Variants in SNX5 observed in about 807,000 individuals in gnomAD.
The protein encoded by SNX5 is sorting nexin-5.
In SNX5, 31 loss-of-function variants were observed where a neutral mutation model predicts 53.9. The observed-to-expected ratio is 0.58, with a 90% confidence interval of 0.43 to 0.78. The LOEUF (loss-of-function observed/expected upper bound fraction) is 0.78. SNX5 is among the 30% of genes least tolerant of loss of function. The probability of loss-of-function intolerance (pLI) is 0.00; values close to 1 mark genes in which losing one functional copy is unlikely to be tolerated. For synonymous variants in SNX5, 168 were observed against 171.1 expected (o/e 0.98, Z 0.14); for missense variants, 471 against 478.8 (o/e 0.98, Z 0.15).
chr20:17,956,536 G>C (rs1348678154), intron 2 of SNX5, among the ~76,000 whole-genome samples: 1 of 152,074 alleles, frequency 6.6e-6, no homozygotes, highest in African/African-American at 2.4e-5. Context: ...TGAGCCGAGT[G>C]TGGTGGCTCA....
At chr20:17,957,113 AAAAAGCAGTTTATACATAG>A in intron 1 of SNX5, 76 bp from the exon 2 acceptor site, 2 of 876,680 alleles carry the variant, frequency 2.3e-6, no homozygotes, top group African/African-American at 3.3e-5. Flanking sequence ...AGTAGTTACT[AAAAAGCAGTTTATACATAG>A]ATCATTTAGA....
intron 12 of SNX5, 90 bp from the exon 13 acceptor site, chr20:17,942,497 C>A: frequency 2.0e-6 from 2 of 1,013,300 alleles, no homozygotes; most frequent in African/African-American, 1.6e-5. Context: ...CGGCTTTTCA[C>A]GGGAGGTTTA....
At chr20:17,965,699 C>T (rs1429098161) in intron 1 of SNX5, among the ~76,000 whole-genome samples, 1 of 150,210 alleles carries the variant, frequency 6.7e-6, no homozygotes, top group Admixed American at 6.6e-5. Context: ...GCCTCTTGGC[C>T]ATTTCTACCT....
At position 17,956,960 on chromosome 20, in the gene SNX5, G is replaced by C. The variant is rs61756173; in HGVS notation, c.129C>G (p.Asp43Glu). The C allele has an allele frequency of 2.0e-4, 313 of 1,601,438 alleles. No individual in the cohort carries two copies. Among genetic ancestry groups the C allele is most frequent in the Non-Finnish European group, 2.5e-4 (287 of 1,169,102 alleles). ...TTGTGTGCACTGTAAATTTGACTTT[G>C]TCTCTCTCACTGAGCGCATCAGGTA... ...IDIPDALSER[D>E]KVKFTVHTKT... The change falls in exon 2 of 13, where the codon GAC becomes GAG. Residue 43 changes from aspartate (D) to glutamate (E), a missense_variant. By Grantham distance (45) the Asp-to-Glu change is conservative. Coordinates refer to ENST00000377759, the MANE Select transcript of SNX5 (RefSeq NM_014426.4).
At chr20:17,943,551 C>T in intron 11 of SNX5, 1 of 182,340 alleles carries the variant, frequency 5.5e-6, no homozygotes, top group Non-Finnish European at 1.1e-5. Context: ...ACATACTTCA[C>T]CAATGGCTTG....
chr20:17,946,806 C>T (rs1387748196), intron 11 of SNX5, among the ~76,000 whole-genome samples: 1 of 152,128 alleles, frequency 6.6e-6, no homozygotes, highest in Non-Finnish European at 1.5e-5. Context: ...AAAATAGTAA[C>T]TACACAGTGG....
intron 1 of SNX5, chr20:17,962,856 A>AT (rs2035480587): frequency 1.9e-6 from 1 of 519,068 alleles, no homozygotes; most frequent in Non-Finnish European, 3.8e-6. Flanking sequence ...TTCAGGCTAC[A>AT]TAGCCTCAAG....
intron 8 of SNX5, among the ~76,000 whole-genome samples, chr20:17,949,612 T>G (rs1028172462): frequency 6.6e-6 from 1 of 152,136 alleles, no homozygotes; most frequent in African/African-American, 2.4e-5. Context: ...GGTTTTTAAT[T>G]AATGAATGAA....
chr20:17,953,318 G>A (rs2039595684), intron 4 of SNX5, among the ~76,000 whole-genome samples: 1 of 152,186 alleles, frequency 6.6e-6, no homozygotes, highest in South Asian at 2.1e-4. Flanking sequence ...GTACTTTTCA[G>A]CTAAGATGAG....
chr20:17,952,226 A>G (rs776998470), intron 5 of SNX5, among the ~76,000 whole-genome samples: 3 of 152,234 alleles, frequency 2.0e-5, no homozygotes, highest in African/African-American at 2.4e-5. Flanking sequence ...CTGCCTCAAA[A>G]AAGAAAAGAA....
In SNX5 at chr20:17,954,114, G is replaced by C; in HGVS notation, c.271C>G (p.Pro91Ala). 1 of 1,613,372 alleles carries C rather than the reference G, an allele frequency of 6.2e-7. No homozygotes were observed. The highest frequency in any genetic ancestry group is 8.5e-7 in the Non-Finnish European group (1 of 1,179,612). The change falls in exon 4 of 13, where the codon CCA becomes GCA. Residue 91 changes from proline (P) to alanine (A), a missense_variant. Pro to Ala is a conservative substitution (Grantham distance 27). Transcript: ENST00000377759. ...AAGTCGGGCTTCGTAGGAGCAGGTG[G>C]AATCTGCAGCAGAGGCAGGAACTCA... is the stretch of plus-strand genomic sequence containing the variant. Reference protein sequence around the residue: ...ETTDYAGLIIPPAPTKPDFDG... With the variant: ...ETTDYAGLIIAPAPTKPDFDG...
chr20:17,949,784 C>T (rs2039538468), intron 8 of SNX5, among the ~76,000 whole-genome samples: 1 of 152,128 alleles, frequency 6.6e-6, no homozygotes, highest in African/African-American at 2.4e-5. Flanking sequence ...AAAAGAAGGT[C>T]TAGGGCATTA....
intron 1 of SNX5, among the ~76,000 whole-genome samples, chr20:17,965,249 A>G (rs1600358339): frequency 1.3e-5 from 2 of 152,298 alleles, no homozygotes; most frequent in East Asian, 1.9e-4. Flanking sequence ...CAGAGGCCAA[A>G]AACAGTTGCT....
At chr20:17,965,728 A>T (rs1173079352) in intron 1 of SNX5, among the ~76,000 whole-genome samples, 1 of 152,036 alleles carries the variant, frequency 6.6e-6, no homozygotes, top group Non-Finnish European at 1.5e-5. Context: ...AATAATGTGA[A>T]CAGATAATGA....
chr20:17,952,763 C>T, intron 4 of SNX5, 53 bp from the exon 5 acceptor site: 1 of 1,596,456 alleles, frequency 6.3e-7, no homozygotes, highest in Admixed American at 1.7e-5. Flanking sequence ...ACTACCTGAC[C>T]AATACCACTC....
intron 7 of SNX5, 37 bp downstream of exon 7, chr20:17,950,254 A>G: frequency 6.2e-7 from 1 of 1,611,496 alleles, no homozygotes; most frequent in East Asian, 2.2e-5. Context: ...AGCCAGGCTC[A>G]TCAGCAAAGC....
intron 11 of SNX5, chr20:17,944,809 T>G (rs1462204763): frequency 2.6e-5 from 4 of 152,288 alleles, no homozygotes; most frequent in Non-Finnish European, 4.4e-5. Context: ...CCTCCCAAAG[T>G]GCTGGGATTA....
At chr20:17,956,681 AAAAAAAAAAAAAAAAAAAAAAAAC>A (rs1385926034) in intron 2 of SNX5, among the ~76,000 whole-genome samples, 3 of 69,944 alleles carry the variant, frequency 4.3e-5, no homozygotes, top group African/African-American at 8.5e-5. Context: ...TCCAAAAAAA[AAAAAAAAAAAAAAAAAAAAAAAAC>A]AAAAAAACAA....
At chr20:17,962,386 G>C (rs577904349) in intron 1 of SNX5, among the ~76,000 whole-genome samples, 52 of 150,898 alleles carry the variant, frequency 3.4e-4, no homozygotes. Context: ...TGTATTTTTA[G>C]TAGAGACAGG....
Sources: allele counts gnomAD v4.1 joint callset (sites outside exome capture counted in the v4.1 genomes callset), GRCh38; gene constraint gnomAD v4.1.1; transcripts MANE v1.5; gene names NCBI Gene and HGNC (gene_info 2026-07-23, HGNC 2026-07-21).